The following VPS41 variants were observed in gnomAD, a reference collection of about 807,000 sequenced individuals.
The protein encoded by VPS41 is vacuolar protein sorting-associated protein 41 homolog.
Under a neutral mutation model 130.9 loss-of-function variants are expected in VPS41, and 85 were observed. The ratio of observed to expected loss-of-function variants is 0.65; its 90% CI spans 0.55 to 0.78. The LOEUF (loss-of-function observed/expected upper bound fraction) is 0.78. VPS41 is among the 30% of genes least tolerant of loss of function. VPS41 has a pLI of 0.00. For missense variants in VPS41, 874 were observed against 1,018.7 expected (o/e 0.86, Z 1.93); for synonymous variants, 335 against 332.9 (o/e 1.01, Z -0.07).
chr7:38,821,031 T>C (rs1396224246), intron 6 of VPS41, among the ~76,000 whole-genome samples, 172 bp downstream of exon 6: 2 of 152,090 alleles, frequency 1.3e-5, no homozygotes, highest in South Asian at 2.1e-4. Context: ...AGTCACAAAA[T>C]ACACATTCTG....
chr7:38,795,343 T>C, intron 9 of VPS41, 122 bp downstream of exon 9: 1 of 722,054 alleles, frequency 1.4e-6, no homozygotes, highest in Non-Finnish European at 2.1e-6. Context: ...GGTAATCACG[T>C]CACAATAACA....
chr7:38,733,852 G>A (rs1446477185), intron 25 of VPS41, among the ~76,000 whole-genome samples: 3 of 152,176 alleles, frequency 2.0e-5, no homozygotes, highest in African/African-American at 7.2e-5. Context: ...GCTGTGATAG[G>A]AGGATCTCTT....
chr7:38,880,367 T>A (rs545838129), intron 2 of VPS41, among the ~76,000 whole-genome samples: 30 of 152,094 alleles, frequency 2.0e-4, no homozygotes, highest in Non-Finnish European at 3.1e-4. Flanking sequence ...TTTAAAAAAA[T>A]TTTTTTTCAC....
intron 28 of VPS41, among the ~76,000 whole-genome samples, chr7:38,726,549 T>G (rs183435097): frequency 6.6e-6 from 1 of 152,252 alleles, no homozygotes. Flanking sequence ...TAATGTGACC[T>G]GGAGGAATAT....
At chr7:38,821,368 T>C (rs1785168326) in intron 5 of VPS41, 103 bp from the exon 6 acceptor site, 1 of 810,464 alleles carries the variant, frequency 1.2e-6, no homozygotes, top group African/African-American at 1.7e-5. Context: ...GAATATTTAA[T>C]AATTTTAAGG....
At chr7:38,744,956 T>C (rs1418702063) in intron 23 of VPS41, among the ~76,000 whole-genome samples, 1 of 152,234 alleles carries the variant, frequency 6.6e-6, no homozygotes, top group Admixed American at 6.5e-5. Context: ...TGTTATGTTA[T>C]ATGCTACATT....
intron 2 of VPS41, among the ~76,000 whole-genome samples, chr7:38,877,512 T>C (rs1202933206): frequency 6.6e-6 from 1 of 152,192 alleles, no homozygotes; most frequent in Non-Finnish European, 1.5e-5. Context: ...CTTACACTTA[T>C]TTCTAATAAA....
chr7:38,805,783 C>T (rs1238129494), intron 7 of VPS41, among the ~76,000 whole-genome samples: 2 of 152,192 alleles, frequency 1.3e-5, no homozygotes, highest in Non-Finnish European at 1.5e-5. Flanking sequence ...ATCCTCTCTA[C>T]ACACTTCAGG....
chr7:38,769,423 C>T (rs1784113324), intron 14 of VPS41, among the ~76,000 whole-genome samples: 1 of 152,232 alleles, frequency 6.6e-6, no homozygotes, highest in Non-Finnish European at 1.5e-5. Flanking sequence ...GTCAGTAGTG[C>T]TAATAGGACC....
At position 38,745,597 on chromosome 7, in the gene VPS41, T is replaced by C. The variant is rs1795970844; in HGVS notation, c.1943A>G (p.Gln648Arg). The C allele has an allele frequency of 6.2e-7, 1 of 1,606,296 alleles. No homozygotes were observed. The highest frequency in any genetic ancestry group is 1.7e-5 in the Admixed American group (1 of 57,960). The change falls in exon 23 of 29, where the codon CAA becomes CGA. Residue 648 changes from glutamine to arginine, a missense_variant. Coordinates refer to ENST00000310301, the MANE Select transcript of VPS41 (RefSeq NM_014396.4). ...TGTCTCTTCTACAAAGTTTCTCTGT[T>C]GACAGATCTCAAGAGCCTTCAATTA... ...CPLEKALEICQQRNFVEETVY... is the reference protein window; with the variant it reads ...CPLEKALEICRQRNFVEETVY...
intron 2 of VPS41, among the ~76,000 whole-genome samples, chr7:38,890,454 T>C (rs1786836052): frequency 2.0e-5 from 3 of 152,176 alleles, no homozygotes; most frequent in Non-Finnish European, 2.9e-5. Context: ...GTATTTTCAC[T>C]GCAGTGGAGT....
chr7:38,856,549 T>C (rs369984382), intron 4 of VPS41, among the ~76,000 whole-genome samples: 2 of 152,112 alleles, frequency 1.3e-5, no homozygotes, highest in African/African-American at 4.8e-5. Context: ...CATGGTTATG[T>C]TTCAAAACAA....
At chr7:38,893,818 C>T (rs921356210) in intron 2 of VPS41, among the ~76,000 whole-genome samples, 2 of 152,174 alleles carry the variant, frequency 1.3e-5, no homozygotes, top group Non-Finnish European at 2.9e-5. Flanking sequence ...CTTTCCTTTA[C>T]ATTAATAATA....
At chr7:38,857,546 T>A (rs1044352108) in intron 4 of VPS41, among the ~76,000 whole-genome samples, 4 of 152,216 alleles carry the variant, frequency 2.6e-5, no homozygotes, top group Non-Finnish European at 5.9e-5. Context: ...TGCTTCAACA[T>A]AAGTACCCTT....
intron 2 of VPS41, among the ~76,000 whole-genome samples, chr7:38,892,639 C>T (rs951132459): frequency 1.3e-5 from 2 of 152,076 alleles, no homozygotes; most frequent in Non-Finnish European, 2.9e-5. Context: ...ATATTTAATA[C>T]GGAAGCATAT....
At chr7:38,829,062 T>C (rs1417958171) in intron 5 of VPS41, among the ~76,000 whole-genome samples, 2 of 152,192 alleles carry the variant, frequency 1.3e-5, no homozygotes, top group African/African-American at 4.8e-5. Context: ...TACAAATACA[T>C]GAACACAAAA....
intron 2 of VPS41, among the ~76,000 whole-genome samples, chr7:38,883,752 G>A (rs1302701911): frequency 6.6e-6 from 1 of 152,112 alleles, no homozygotes; most frequent in Non-Finnish European, 1.5e-5. Context: ...CATACCAGGG[G>A]AGTTGTTTTC....
chr7:38,743,677 A>T (rs1398413384), intron 23 of VPS41, 135 bp from the exon 24 acceptor site: 4 of 965,340 alleles, frequency 4.1e-6, no homozygotes, highest in Non-Finnish European at 6.1e-6. Flanking sequence ...TGACACCAAC[A>T]TTTACTGTCT....
chr7:38,885,440 C>T (rs192802830), intron 2 of VPS41, among the ~76,000 whole-genome samples: 282 of 152,300 alleles, frequency 1.9e-3, no homozygotes, highest in African/African-American at 6.7e-3. Flanking sequence ...AAAAACCCTA[C>T]AGAAAATGAT....
Sources: allele counts gnomAD v4.1 joint callset (sites outside exome capture counted in the v4.1 genomes callset), GRCh38; gene constraint gnomAD v4.1.1; transcripts MANE v1.5; gene names NCBI Gene and HGNC (gene_info 2026-07-23, HGNC 2026-07-21).